The following PHLDB1 variants were observed in gnomAD, a reference collection of about 807,000 sequenced individuals.
PHLDB1 encodes the protein pleckstrin homology-like domain family B member 1.
PHLDB1 carries 65 observed loss-of-function variants against 139.3 expected under a neutral mutation model. The ratio of observed to expected loss-of-function variants is 0.47; its 90% CI spans 0.38 to 0.57. The LOEUF (loss-of-function observed/expected upper bound fraction) is 0.57, where lower values mean the gene tolerates loss of function less well. Among genes scored for constraint, PHLDB1 ranks in the 20% least tolerant of loss-of-function variants. The probability of loss-of-function intolerance (pLI) is 0.00; values close to 1 mark genes in which losing one functional copy is unlikely to be tolerated. For synonymous variants in PHLDB1, 679 were observed against 734.5 expected (o/e 0.92, Z 1.22); for missense variants, 1,624 against 1,839.7 (o/e 0.88, Z 2.14).
At chr11:118,625,209 C>A in intron 5 of PHLDB1, 150 bp downstream of exon 5, 1 of 938,540 alleles carries the variant, frequency 1.1e-6, no homozygotes, top group Non-Finnish European at 1.5e-6. Context: ...GTGGAGAATG[C>A]CAGGCAGTGG....
chr11:118,628,281 G>A lies in PHLDB1; in HGVS notation c.1458G>A (p.Val486=). The A allele has an allele frequency of 6.2e-7, 1 of 1,613,952 alleles. No individual in the cohort carries two copies. Among genetic ancestry groups the A allele is most frequent in the East Asian group, 2.2e-5 (1 of 44,854 alleles). The change falls in exon 6 of 23, where the codon GTG becomes GTA. Residue 486 remains valine, a synonymous_variant. Coordinates refer to ENST00000600882, the MANE Select transcript of PHLDB1 (RefSeq NM_001144758.3). ...CAGATCCCAAGCTAAACAGGGAAGTGGCAGAGAGTCCTCGGCCCCGGCGCT... is the reference window on the plus strand; with the variant it reads ...CAGATCCCAAGCTAAACAGGGAAGTAGCAGAGAGTCCTCGGCCCCGGCGCT... ...TTPDPKLNRE[V]AESPRPRRWA...
intron 20 of PHLDB1, chr11:118,651,608 G>GAAACCCCGTCTCTACTAAAA (rs1555137065): frequency 2.0e-5 from 3 of 151,166 alleles, no homozygotes; most frequent in African/African-American, 4.9e-5. Flanking sequence ...CCAACGTGGT[G>GAAACCCCGTCTCTACTAAAA]AAACCCCGTC....
intron 10 of PHLDB1, among the ~76,000 whole-genome samples, chr11:118,638,322 G>A (rs782680494): frequency 2.0e-5 from 3 of 152,174 alleles, no homozygotes; most frequent in Non-Finnish European, 2.9e-5. Flanking sequence ...AGATTTTGAG[G>A]AGAGGCATGA....
intron 12 of PHLDB1, chr11:118,641,944 A>T: frequency 1.9e-6 from 1 of 532,664 alleles, no homozygotes; most frequent in Non-Finnish European, 3.2e-6. Flanking sequence ...CTGGTGTAGC[A>T]CATGTCTGTG....
intron 4 of PHLDB1, among the ~76,000 whole-genome samples, chr11:118,619,300 G>A (rs1942288104): frequency 6.6e-6 from 1 of 152,192 alleles, no homozygotes; most frequent in Admixed American, 6.5e-5. Context: ...CATTCCCTAA[G>A]CCTCTCACTG....
intron 17 of PHLDB1, 37 bp from the exon 18 acceptor site, chr11:118,647,893 A>G: frequency 6.5e-7 from 1 of 1,545,446 alleles, no homozygotes; most frequent in South Asian, 1.2e-5. Context: ...GGGGAAGAGG[A>G]TGGCCATAGG....
At chr11:118,647,749 T>G in intron 17 of PHLDB1, 181 bp from the exon 18 acceptor site, 1 of 616,370 alleles carries the variant, frequency 1.6e-6, no homozygotes, top group Admixed American at 3.0e-5. Context: ...AGGACAGTCA[T>G]GCTTAAAGCA....
chr11:118,643,856 C>T lies in PHLDB1; in HGVS notation c.2934C>T (p.Ser978=), dbSNP rs782059653. The change falls in exon 14 of 23, where the codon AGC becomes AGT. Residue 978 remains serine (S), a synonymous_variant. Coordinates refer to ENST00000600882, the MANE Select transcript of PHLDB1 (RefSeq NM_001144758.3). ...CCAGCCCCCTTCCCCGGACCCGCAG[C>T]GGCCCCCTCCCCTCCTCCTCTGGCT... ...EATSPLPRTR[S]GPLPSSSGSS... The T allele has an allele frequency of 1.2e-5, 20 of 1,613,360 alleles. No homozygotes were observed. In the Admixed American group the frequency reaches 2.3e-4, roughly 19 times the overall value.
chr11:118,625,264 G>A (rs892125651), intron 5 of PHLDB1, among the ~76,000 whole-genome samples: 3 of 152,210 alleles, frequency 2.0e-5, no homozygotes, highest in Admixed American at 6.5e-5. Context: ...GCTAAAATTG[G>A]GAAATTATGT....
intron 21 of PHLDB1, 84 bp from the exon 22 acceptor site, chr11:118,655,776 C>A: frequency 6.7e-7 from 1 of 1,485,158 alleles, no homozygotes; most frequent in Non-Finnish European, 9.4e-7. Context: ...GCAAAGGCCT[C>A]CAGCCTGCCC....
chr11:118,643,852 G>A lies in PHLDB1; in HGVS notation c.2930G>A (p.Arg977His), dbSNP rs1443692402. Reference protein sequence around the residue: ...GEATSPLPRTRSGPLPSSSGS... With the variant: ...GEATSPLPRTHSGPLPSSSGS... ...GCCACCAGCCCCCTTCCCCGGACCCGCAGCGGCCCCCTCCCCTCCTCCTCT... is the reference window on the plus strand; with the variant it reads ...GCCACCAGCCCCCTTCCCCGGACCCACAGCGGCCCCCTCCCCTCCTCCTCT... The change falls in exon 14 of 23, where the codon CGC becomes CAC. Residue 977 changes from arginine to histidine, a missense_variant. Arg to His is a conservative substitution (Grantham distance 29). Transcript: ENST00000600882. 7 of 1,594,744 alleles carry A rather than the reference G, an allele frequency of 4.4e-6. No individual in the cohort carries two copies. The highest frequency in any genetic ancestry group is 3.3e-5 in the South Asian group (3 of 90,788).
chr11:118,631,771 G>A, intron 7 of PHLDB1, 142 bp from the exon 8 acceptor site: 1 of 1,017,208 alleles, frequency 9.8e-7, no homozygotes, highest in Non-Finnish European at 1.4e-6. Context: ...AAAGGTGGGG[G>A]TTGCGGGGGG....
In PHLDB1 at chr11:118,656,810, A is replaced by G; in HGVS notation, c.4121A>G (p.Gln1374Arg). The change falls in exon 23 of 23, where the codon CAG becomes CGG. Residue 1374 changes from glutamine to arginine, a missense_variant. Coordinates refer to ENST00000600882, the MANE Select transcript of PHLDB1 (RefSeq NM_001144758.3). Reference protein sequence around the residue: ...VIVTGAEGYTQFMN With the variant: ...VIVTGAEGYTRFMN ...GTCACAGGGGCTGAGGGCTACACTCAGTTCATGAACTAACTGCCGTGGGCC... is the reference window on the plus strand; with the variant it reads ...GTCACAGGGGCTGAGGGCTACACTCGGTTCATGAACTAACTGCCGTGGGCC... 6.2e-7 allele frequency: 1 copy of G among 1,613,366 alleles called. No individual in the cohort carries two copies. Among genetic ancestry groups the G allele is most frequent in the Non-Finnish European group, 8.5e-7 (1 of 1,179,406 alleles).
In PHLDB1 at chr11:118,631,103, C is replaced by G. The variant is rs995947907; in HGVS notation, c.1828-104C>G. 23 of 1,044,420 alleles carry G rather than the reference C, an allele frequency of 2.2e-5. No homozygotes were observed. The Admixed American group carries it at 2.5e-4, about 11-fold the overall frequency. The allele number at this position is 1,044,420 out of a possible 1,614,324, so 64.7% of individuals were successfully genotyped here. On this transcript the variant is annotated intron_variant, in intron 6 of 22. Transcript: ENST00000600882. ...TGACTTGACACTGATGTCCTAGCCC[C>G]CTGTAACCCTGCTCTCCCTCCTGAC... is the stretch of plus-strand genomic sequence containing the variant.
At position 118,649,230 on chromosome 11, in the gene PHLDB1, G is replaced by A. The variant is rs201474536; in HGVS notation, c.3655-847G>A. 7.9e-5 allele frequency among the ~76,000 whole-genome samples: 12 copies of A among 151,936 alleles called. No homozygotes were observed. In the East Asian group the frequency reaches 2.3e-3, roughly 29 times the overall value. ...CAGGAGGTGGAGGTTGCAGTGAGCC[G>A]AGATCATGCCACTGCACTCCAGTCT... On this transcript the variant is annotated intron_variant, in intron 18 of 22. Coordinates refer to ENST00000600882, the MANE Select transcript of PHLDB1 (RefSeq NM_001144758.3).
Position 118,627,885 on chromosome 11 carries a change from G to T in PHLDB1, c.1062G>T (p.Gly354=). 1 of 1,610,282 alleles carries T rather than the reference G, an allele frequency of 6.2e-7. No individual in the cohort carries two copies. ...RRATESPRLG[G]QLPVVAISLS... ...CCACTGAGAGCCCCCGGCTGGGTGG[G>T]CAGCTGCCTGTGGTGGCCATCAGCC... The change falls in exon 6 of 23, where the codon GGG becomes GGT. Residue 354 remains glycine (G), a synonymous_variant. Transcript: ENST00000600882.
In PHLDB1 at chr11:118,611,671, C is replaced by T. The variant is rs934595633; in HGVS notation, c.-21-2145C>T. 9.9e-5 allele frequency among the ~76,000 whole-genome samples: 15 copies of T among 152,048 alleles called. No individual in the cohort carries two copies. Among genetic ancestry groups the T allele is most frequent in the Non-Finnish European group, 1.5e-4 (10 of 67,996 alleles). ...GGGAGTTCGAGACCAGCCTGACCAACATGGAGAAACCCCGTCTCTACTAAA... is the reference window on the plus strand; with the variant it reads ...GGGAGTTCGAGACCAGCCTGACCAATATGGAGAAACCCCGTCTCTACTAAA... On this transcript the variant is annotated intron_variant, in intron 1 of 22. Transcript: ENST00000600882. The surrounding 1 kb of genome is among the most constrained non-coding windows in gnomAD (Gnocchi z 4.7).
Position 118,627,988 on chromosome 11 carries a change from C to T in PHLDB1, c.1165C>T (p.Pro389Ser). ...PGSPKFQPPV[P>S]APRNKIGTLQ... ...CAGCCCCAAGTTTCAGCCTCCAGTC[C>T]CTGCTCCCCGAAACAAGATTGGCAC... The change falls in exon 6 of 23, where the codon CCT becomes TCT. Residue 389 changes from proline (P) to serine (S), a missense_variant. By Grantham distance (74) the Pro-to-Ser change is moderately conservative. Coordinates refer to ENST00000600882, the MANE Select transcript of PHLDB1 (RefSeq NM_001144758.3). 1 of 1,613,946 alleles carries T rather than the reference C, an allele frequency of 6.2e-7. No homozygotes were observed. The highest frequency in any genetic ancestry group is 8.5e-7 in the Non-Finnish European group (1 of 1,180,016).
chr11:118,617,534 C>G (rs975004100), intron 4 of PHLDB1, among the ~76,000 whole-genome samples: 3 of 151,946 alleles, frequency 2.0e-5, no homozygotes, highest in African/African-American at 7.3e-5. Context: ...GGCATGATCT[C>G]GGCTCACTAC....
Sources: allele counts gnomAD v4.1 joint callset (sites outside exome capture counted in the v4.1 genomes callset), GRCh38; gene constraint gnomAD v4.1.1; non-coding constraint Gnocchi (gnomAD v3.1); transcripts MANE v1.5; gene names NCBI Gene and HGNC (gene_info 2026-07-23, HGNC 2026-07-21).